The following SHISA9 variants were observed in gnomAD, a reference collection of about 807,000 sequenced individuals.
SHISA9 encodes shisa family member 9.
In SHISA9, 13 loss-of-function variants were observed where a neutral mutation model predicts 38.0. The observed-to-expected ratio is 0.34, with a 90% CI of 0.22 to 0.54. The LOEUF (loss-of-function observed/expected upper bound fraction) is 0.54, where lower values mean the gene tolerates loss of function less well. Ranked by LOEUF, SHISA9 falls within the 20% of genes least tolerant of loss-of-function variation. The pLI, the probability that SHISA9 is intolerant of heterozygous loss-of-function variation, is 0.91. For synonymous variants in SHISA9, 275 were observed against 242.0 expected, an observed-to-expected ratio of 1.14 and a Z score of -1.27; for missense variants, 538 against 575.8, an observed-to-expected ratio of 0.93 and a Z score of 0.67.
At chr16:13,313,172 G>A in the SHISA9 span, among the ~76,000 whole-genome samples, 2 of 148,194 alleles carry the variant, frequency 1.3e-5, no homozygotes, top group Non-Finnish European at 3.0e-5. Flanking sequence ...GGAGAATGGC[G>A]TGAACCCGGG....
chr16:13,057,563 C>G (rs1388560649), intron 2 of SHISA9, among the ~76,000 whole-genome samples: 1 of 152,110 alleles, frequency 6.6e-6, no homozygotes, highest in Non-Finnish European at 1.5e-5. Flanking sequence ...GCCCAGGACT[C>G]AGCATTTTAA....
At chr16:13,506,020 C>G in the SHISA9 span, among the ~76,000 whole-genome samples, 1 of 152,298 alleles carries the variant, frequency 6.6e-6, no homozygotes, top group Non-Finnish European at 1.5e-5. Context: ...AGGTCCCTCT[C>G]AGAGACACAA....
chr16:12,937,089 A>G (rs762620068), intron 2 of SHISA9, among the ~76,000 whole-genome samples: 9 of 152,100 alleles, frequency 5.9e-5, no homozygotes, highest in African/African-American at 1.7e-4. Context: ...AAGCCCACCT[A>G]TGTGCATATT....
chr16:13,216,240 T>C, intron 4 of SHISA9, among the ~76,000 whole-genome samples: 1 of 148,086 alleles, frequency 6.8e-6, no homozygotes. Flanking sequence ...GGGCTTAGAC[T>C]CAGGCATATA....
the SHISA9 span, among the ~76,000 whole-genome samples, chr16:13,528,813 A>G: frequency 3.3e-5 from 5 of 152,242 alleles, no homozygotes; most frequent in African/African-American, 4.8e-5. Flanking sequence ...CACTTAGCAT[A>G]TGCTCAATAA....
the SHISA9 span, among the ~76,000 whole-genome samples, chr16:13,378,582 G>A: frequency 6.6e-6 from 1 of 152,138 alleles, no homozygotes; most frequent in African/African-American, 2.4e-5. Context: ...TAGAGAAATC[G>A]AGAGACAGAC....
At chr16:13,299,279 G>C in the SHISA9 span, among the ~76,000 whole-genome samples, 259 of 152,288 alleles carry the variant, frequency 1.7e-3, 2 homozygotes, top group Non-Finnish European at 1.5e-3. Context: ...TGACCTTTCA[G>C]ATCATCAGGA....
the SHISA9 span, among the ~76,000 whole-genome samples, chr16:13,461,187 T>C: frequency 6.6e-6 from 1 of 152,216 alleles, no homozygotes; most frequent in South Asian, 2.1e-4. Context: ...CTTGCCTCTC[T>C]TGGGCAACTC....
chr16:13,061,434 G>T (rs902919265), intron 2 of SHISA9, among the ~76,000 whole-genome samples: 3 of 152,164 alleles, frequency 2.0e-5, no homozygotes, highest in African/African-American at 4.8e-5. Context: ...AAGTCGCTTC[G>T]TCCGACAATC....
At chr16:13,094,172 G>A (rs982152138) in intron 2 of SHISA9, among the ~76,000 whole-genome samples, 2 of 152,170 alleles carry the variant, frequency 1.3e-5, no homozygotes, top group African/African-American at 4.8e-5. Flanking sequence ...ATAAGGTAAA[G>A]TATGACAAAT....
At chr16:13,385,797 A>G in the SHISA9 span, among the ~76,000 whole-genome samples, 1 of 152,136 alleles carries the variant, frequency 6.6e-6, no homozygotes, top group Non-Finnish European at 1.5e-5. Flanking sequence ...GTATATCCAT[A>G]CCATGAAATA....
intron 2 of SHISA9, among the ~76,000 whole-genome samples, chr16:13,168,215 G>T (rs1181372903): frequency 6.6e-6 from 1 of 152,216 alleles, no homozygotes; most frequent in African/African-American, 2.4e-5. Flanking sequence ...TTACCCATCT[G>T]TCCTAATCAC....
chr16:13,410,197 T>C, the SHISA9 span, among the ~76,000 whole-genome samples: 1 of 152,234 alleles, frequency 6.6e-6, no homozygotes, highest in East Asian at 1.9e-4. Flanking sequence ...TAGTATGAAA[T>C]TTGTTCAGGA....
intron 2 of SHISA9, among the ~76,000 whole-genome samples, chr16:13,169,742 C>T (rs866791433): frequency 6.6e-6 from 1 of 152,058 alleles, no homozygotes; most frequent in Non-Finnish European, 1.5e-5. Context: ...TTAGCCTTCC[C>T]GAAAGCTAAT....
rs1189788950 is a variant in SHISA9, at chr16:13,235,668, C to G, written c.*259C>G. ...AAGGGGAAAATGAGGCACACTCTTT[C>G]CACTTCAGGCCCAAGATGGCCAACT... On this transcript the variant is annotated 3_prime_UTR_variant, in exon 5 of 5. Coordinates refer to ENST00000558583, the MANE Select transcript of SHISA9 (RefSeq NM_001145204.3). 6.6e-6 allele frequency: 3 copies of G among 456,408 alleles called. No individual in the cohort carries two copies. The allele number at this position is 456,408 out of a possible 1,614,324, so 28.3% of individuals were successfully genotyped here. A position where few individuals can be genotyped will look rare whatever the true frequency, so the allele number is the denominator to read the frequency against.
At position 13,137,664 on chromosome 16, in the gene SHISA9, C is replaced by T. The variant is rs147276389; in HGVS notation, c.692-65730C>T. ...AGAGATGGGGTTTCACCATGTTGGC[C>T]AGGATGGTCTTGATCTCTTAACCTT... On this transcript the variant is annotated intron_variant, in intron 2 of 4. Coordinates refer to ENST00000558583, the MANE Select transcript of SHISA9 (RefSeq NM_001145204.3). Among the ~76,000 whole-genome samples, 1,407 of 152,206 alleles carry T rather than the reference C, an allele frequency of 9.2e-3. 11 individuals carry two copies. Among genetic ancestry groups the T allele is most frequent in the Middle Eastern group, 0.051 (15 of 294 alleles).
intron 2 of SHISA9, among the ~76,000 whole-genome samples, chr16:13,113,542 A>G (rs2074000702): frequency 6.6e-6 from 1 of 152,212 alleles, no homozygotes; most frequent in African/African-American, 2.4e-5. Flanking sequence ...AGGACTTGGC[A>G]CTAATCGGAC....
At position 13,085,506 on chromosome 16, in the gene SHISA9, G is replaced by A. The variant is rs183835989; in HGVS notation, c.692-117888G>A. On this transcript the variant is annotated intron_variant, in intron 2 of 4. Transcript: ENST00000558583. ...ATTCCTAAAATAAGGCTAGGACTTC[G>A]CCTGTTTTATGAAGGGCTAGAAAAA... Among the ~76,000 whole-genome samples, 200 of 152,302 alleles carry A rather than the reference G, an allele frequency of 1.3e-3. 1 individual carries two copies. The highest frequency in any genetic ancestry group is 4.4e-3 in the African/African-American group (181 of 41,568).
chr16:13,354,319 G>A, the SHISA9 span, among the ~76,000 whole-genome samples: 6,972 of 26,460 alleles, frequency 0.26, 1,624 homozygotes, highest in East Asian at 0.5. Flanking sequence ...TGGTGGAACC[G>A]CCATCAATAA....
Sources: allele counts gnomAD v4.1 joint callset (sites outside exome capture counted in the v4.1 genomes callset), GRCh38; gene constraint gnomAD v4.1.1; transcripts MANE v1.5; gene names NCBI Gene and HGNC (gene_info 2026-07-23, HGNC 2026-07-21).